Variants in ZNF468 observed in about 807,000 individuals in gnomAD.
ZNF468 encodes the protein zinc finger protein 468.
Under a neutral mutation model 7.2 loss-of-function variants are expected in ZNF468, and 8 were observed. The ratio of observed to expected loss-of-function variants is 1.11; its 90% CI spans 0.65 to 2.01. ZNF468 has a LOEUF of 2.01. Ranked by LOEUF, ZNF468 falls within the 30% of genes most tolerant of loss-of-function variation. ZNF468 has a pLI of 0.00. For missense variants in ZNF468, 608 were observed against 626.5 expected (o/e 0.97, Z 0.31); for synonymous variants, 218 against 214.4 (o/e 1.02, Z -0.15).
chr19:52,850,670 T>C (rs28459459), intron 2 of ZNF468, among the ~76,000 whole-genome samples: 40,431 of 150,598 alleles, frequency 0.27, 5,460 homozygotes, highest in Admixed American at 0.37. Flanking sequence ...GAGGCCGAGG[T>C]GGGCGGATCA....
intron 3 of ZNF468, among the ~76,000 whole-genome samples, chr19:52,846,139 G>A (rs1001078671): frequency 9.9e-5 from 15 of 151,936 alleles, no homozygotes; most frequent in African/African-American, 1.9e-4. Context: ...ATATGTTAAC[G>A]GAAATGCAAC....
At position 52,849,186 on chromosome 19, in the gene ZNF468, T is replaced by G. The variant is rs144252861; in HGVS notation, c.43A>C (p.Ile15Leu). The change falls in exon 3 of 4, where the codon ATA becomes CTA. Residue 15 changes from isoleucine (I) to leucine (L), a missense_variant. Physicochemically the swap from Ile to Leu is conservative, Grantham distance 5. Transcript: ENST00000595646. The part of the protein sequence containing the change: ...QGLLTFRDVA[I>L]EFSQEEWKCL... The stretch of plus-strand genomic sequence containing the variant: ...TTCCACTCCTCCTGAGAGAATTCTA[T>G]GGCCACGTCCCTGAATGTCAATAGA... 1.2e-6 allele frequency: 2 copies of G among 1,613,952 alleles called. No individual in the cohort carries two copies. The highest frequency in any genetic ancestry group is 4.5e-5 in the East Asian group (2 of 44,854).
chr19:52,853,874 C>G, intron 2 of ZNF468: 1 of 1,251,756 alleles, frequency 8.0e-7, no homozygotes, highest in South Asian at 3.2e-5. Context: ...GAACTTACCA[C>G]GTACTTCGTG....
At position 52,839,683 on chromosome 19, in the gene ZNF468, T is replaced by G; in HGVS notation, c.*1042A>C. ...AGGTGTGAATGTGAAGTAAACGCTT[T>G]GCCACAATCATCACACTTGTGAGGT... On this transcript the variant is annotated 3_prime_UTR_variant, in exon 4 of 4. Transcript: ENST00000595646. 1 of 544,538 alleles carries G rather than the reference T, an allele frequency of 1.8e-6. No homozygotes were observed. Among genetic ancestry groups the G allele is most frequent in the South Asian group, 1.4e-5 (1 of 71,266 alleles). The allele number at this position is 544,538 out of a possible 1,614,324, so 33.7% of individuals were successfully genotyped here. A position where few individuals can be genotyped will look rare whatever the true frequency, so the allele number is the denominator to read the frequency against.
At chr19:52,856,416 C>T (rs2063439238) in intron 1 of ZNF468, among the ~76,000 whole-genome samples, 2 of 150,010 alleles carry the variant, frequency 1.3e-5, no homozygotes, top group East Asian at 2.0e-4. Flanking sequence ...TCCTGTTGGT[C>T]CTTCTCCCCA....
intron 3 of ZNF468, 28 bp from the exon 4 acceptor site, chr19:52,842,179 C>T: frequency 6.5e-7 from 1 of 1,540,574 alleles, no homozygotes; most frequent in Non-Finnish European, 8.8e-7. Context: ...CAATAGGTTT[C>T]CAATTAAGTA....
chr19:52,851,124 AAATTAGCCACGG>A (rs1386720765), intron 2 of ZNF468, among the ~76,000 whole-genome samples: 1 of 152,012 alleles, frequency 6.6e-6, no homozygotes, highest in Non-Finnish European at 1.5e-5. Context: ...AATACAAAAA[AAATTAGCCACGG>A]GTGATGGCAC....
chr19:52,840,008 T>C lies in ZNF468; in HGVS notation c.*717A>G. On this transcript the variant is annotated 3_prime_UTR_variant, in exon 4 of 4. Transcript: ENST00000595646. ...TGGTGAATAAGTGGTGACTGCCCAC[T>C]AAAGGGTTTGCCACACTCATTGCAC... The C allele has an allele frequency of 7.6e-7, 1 of 1,315,874 alleles. No homozygotes were observed. Among genetic ancestry groups the C allele is most frequent in the East Asian group, 3.4e-5 (1 of 29,500 alleles). 81.5% of individuals were successfully genotyped at this position (1,315,874 alleles called of 1,614,324 possible).
chr19:52,857,075 G>A (rs976827234), intron 1 of ZNF468, among the ~76,000 whole-genome samples: 1 of 151,540 alleles, frequency 6.6e-6, no homozygotes, highest in Non-Finnish European at 1.5e-5. Flanking sequence ...ACTGCGGAGG[G>A]GAGATCTGGG....
chr19:52,841,651 A>G lies in ZNF468; in HGVS notation c.643T>C (p.Phe215Leu), dbSNP rs149580791. ...KWEVHMREKSFECIQSFKSFN... is the reference protein window; with the variant it reads ...KWEVHMREKSLECIQSFKSFN... ...GATTTGAAGCTCTGTATACATTCAAAAGATTTTTCTCTCATGTGTACTTCC... is the reference window on the plus strand; with the variant it reads ...GATTTGAAGCTCTGTATACATTCAAGAGATTTTTCTCTCATGTGTACTTCC... The change falls in exon 4 of 4, where the codon TTT (phenylalanine) becomes CTT (leucine). Residue 215 changes from phenylalanine (F) to leucine (L), a missense_variant. Coordinates refer to ENST00000595646, the MANE Select transcript of ZNF468 (RefSeq NM_001008801.2). 9.9e-6 allele frequency: 16 copies of G among 1,613,988 alleles called. No individual in the cohort carries two copies. In the African/African-American group the frequency reaches 2.1e-4, roughly 22 times the overall value.
At chr19:52,845,467 A>T (rs182642557) in intron 3 of ZNF468, among the ~76,000 whole-genome samples, 3 of 151,642 alleles carry the variant, frequency 2.0e-5, no homozygotes, top group African/African-American at 4.8e-5. Flanking sequence ...CCATCCTGGC[A>T]AACCAACATG....
rs1368290112 is a variant in ZNF468, at chr19:52,839,976, T to A, written c.*749A>T. 3 of 1,286,288 alleles carry A rather than the reference T, an allele frequency of 2.3e-6. No individual in the cohort carries two copies. The highest frequency in any genetic ancestry group is 3.1e-6 in the Non-Finnish European group (3 of 958,328). The allele number at this position is 1,286,288 out of a possible 1,614,324, so 79.7% of individuals were successfully genotyped here. A position where few individuals can be genotyped will look rare whatever the true frequency, so the allele number is the denominator to read the frequency against. ...AGTCAAGTTTCCCTATACCATGGAT[T>A]GCTTGATGGTGAATAAGTGGTGACT... is the stretch of plus-strand genomic sequence containing the variant. On this transcript the variant is annotated 3_prime_UTR_variant, in exon 4 of 4. Transcript: ENST00000595646.
chr19:52,843,747 G>C (rs1477175279), intron 3 of ZNF468, among the ~76,000 whole-genome samples: 1 of 152,188 alleles, frequency 6.6e-6, no homozygotes, highest in Non-Finnish European at 1.5e-5. Flanking sequence ...CCAGCACACA[G>C]TGTAAGAACT....
intron 3 of ZNF468, 129 bp downstream of exon 3, chr19:52,848,958 A>G: frequency 6.8e-7 from 1 of 1,466,774 alleles, no homozygotes; most frequent in Non-Finnish European, 9.2e-7. Flanking sequence ...ATGCTACATC[A>G]TGAAGCTTTT....
intron 3 of ZNF468, among the ~76,000 whole-genome samples, chr19:52,843,448 G>A (rs1274843455): frequency 1.3e-5 from 2 of 151,976 alleles, no homozygotes; most frequent in Admixed American, 1.3e-4. Flanking sequence ...GGCCAGGCTG[G>A]TCTCGAACTC....
At position 52,849,192 on chromosome 19, in the gene ZNF468, C is replaced by T. The variant is rs766894350; in HGVS notation, c.37G>A (p.Val13Met). The change falls in exon 3 of 4, where the codon GTG becomes ATG. Residue 13 changes from valine (V) to methionine (M), a missense_variant. Coordinates refer to ENST00000595646, the MANE Select transcript of ZNF468 (RefSeq NM_001008801.2). ...TCCTCCTGAGAGAATTCTATGGCCA[C>T]GTCCCTGAATGTCAATAGACCCTGA... Reference protein sequence around the residue: ...LPQGLLTFRDVAIEFSQEEWK... With the variant: ...LPQGLLTFRDMAIEFSQEEWK... 1.4e-5 allele frequency: 22 copies of T among 1,613,686 alleles called. No homozygotes were observed. In the South Asian group the frequency reaches 1.4e-4, roughly 10 times the overall value.
In ZNF468 at chr19:52,842,121, A is replaced by T; in HGVS notation, c.173T>A (p.Leu58Ter). ...TGTATTGCCTTGCCCTGTTGACGAC[A>T]ACGTCTTCAACATGCATTTGGAAGA... The part of the protein sequence containing the change: ...DISSKCMLKT[L>*]SSTGQGNTEV... Residue 58 changes from leucine to a stop codon, truncating the protein, a stop_gained, in exon 4 of 4, where the codon TTG (leucine) becomes TAG (stop). Transcript: ENST00000595646. LOFTEE classifies it low-confidence loss of function (END_TRUNC). 1.3e-6 allele frequency: 2 copies of T among 1,595,240 alleles called. No homozygotes were observed. The highest frequency in any genetic ancestry group is 1.7e-6 in the Non-Finnish European group (2 of 1,170,972).
At chr19:52,847,426 CAT>C (rs202194132) in intron 3 of ZNF468, among the ~76,000 whole-genome samples, 1,718 of 102,812 alleles carry the variant, frequency 0.017, 127 homozygotes, top group African/African-American at 0.081. Flanking sequence ...GATATGGCCT[CAT>C]GGGAAAGGAA....
intron 1 of ZNF468, among the ~76,000 whole-genome samples, chr19:52,855,573 C>T (rs1260987267): frequency 2.0e-5 from 3 of 152,172 alleles, no homozygotes; most frequent in Non-Finnish European, 4.4e-5. Flanking sequence ...GGGTTCCCTG[C>T]CAGGCACTGA....
Sources: allele counts gnomAD v4.1 joint callset (sites outside exome capture counted in the v4.1 genomes callset), GRCh38; gene constraint gnomAD v4.1.1; transcripts MANE v1.5; gene names NCBI Gene and HGNC (gene_info 2026-07-23, HGNC 2026-07-21).